Variants in MAPKAP1 observed in about 807,000 individuals in gnomAD.
The protein encoded by MAPKAP1 is target of rapamycin complex 2 subunit MAPKAP1.
In MAPKAP1, 20 loss-of-function variants were observed where a neutral mutation model predicts 65.7. The ratio of observed to expected loss-of-function variants is 0.30; its 90% CI spans 0.21 to 0.44. The LOEUF (loss-of-function observed/expected upper bound fraction) is 0.44. Ranked by LOEUF, MAPKAP1 falls within the 20% of genes least tolerant of loss-of-function variation. The pLI is 1.00. For synonymous variants in MAPKAP1, 222 were observed against 244.3 expected (o/e 0.91, Z 0.85); for missense variants, 423 against 648.0 (o/e 0.65, Z 3.77).
At chr9:125,639,460 C>T (rs1362348007) in intron 4 of MAPKAP1, among the ~76,000 whole-genome samples, 1 of 152,198 alleles carries the variant, frequency 6.6e-6, no homozygotes, top group Non-Finnish European at 1.5e-5. Flanking sequence ...CAGAATTGTG[C>T]CTGGCACATA....
chr9:125,600,779 A>G (rs561288794), intron 4 of MAPKAP1, among the ~76,000 whole-genome samples: 1 of 152,320 alleles, frequency 6.6e-6, no homozygotes, highest in African/African-American at 2.4e-5. Flanking sequence ...GCCATCTTCA[A>G]GCATGTAAAA....
chr9:125,690,338 T>C (rs1402623046), intron 1 of MAPKAP1, among the ~76,000 whole-genome samples: 1 of 152,212 alleles, frequency 6.6e-6, no homozygotes, highest in Non-Finnish European at 1.5e-5. Context: ...TGTGAGTTAT[T>C]GCAGAAGCAA....
intron 4 of MAPKAP1, among the ~76,000 whole-genome samples, chr9:125,637,936 C>T (rs1476317463): frequency 6.6e-6 from 1 of 152,156 alleles, no homozygotes; most frequent in Non-Finnish European, 1.5e-5. Flanking sequence ...CCACACCTGG[C>T]TAATTTTTGT....
intron 3 of MAPKAP1, among the ~76,000 whole-genome samples, chr9:125,659,901 G>T (rs74410958): frequency 0.05 from 7,615 of 152,096 alleles, 509 homozygotes; most frequent in East Asian, 0.19. Flanking sequence ...CTTTTATCGA[G>T]GTCACCAATG....
intron 7 of MAPKAP1, among the ~76,000 whole-genome samples, chr9:125,518,992 T>C (rs763226087): frequency 6.6e-6 from 1 of 152,162 alleles, no homozygotes; most frequent in Admixed American, 6.5e-5. Context: ...TGACAGTAGA[T>C]CATTATAAGT....
chr9:125,548,516 C>T (rs1830494619), intron 6 of MAPKAP1, among the ~76,000 whole-genome samples: 1 of 152,188 alleles, frequency 6.6e-6, no homozygotes, highest in African/African-American at 2.4e-5. Flanking sequence ...TGGAACCCCA[C>T]CTCTGCTTTC....
intron 4 of MAPKAP1, among the ~76,000 whole-genome samples, chr9:125,587,804 T>C (rs2131583641): frequency 6.6e-6 from 1 of 152,268 alleles, no homozygotes; most frequent in Middle Eastern, 3.4e-3. Flanking sequence ...AATAAACACA[T>C]GAAAACTGTT....
intron 8 of MAPKAP1, among the ~76,000 whole-genome samples, chr9:125,491,129 G>C (rs1299783191): frequency 3.1e-5 from 4 of 128,980 alleles, no homozygotes; most frequent in African/African-American, 1.2e-4. Flanking sequence ...GACAGAGCAA[G>C]ACTCCGTCTC....
At chr9:125,506,172 G>A (rs1829133206) in intron 8 of MAPKAP1, 138 bp downstream of exon 8, 6 of 730,318 alleles carry the variant, frequency 8.2e-6, no homozygotes, top group East Asian at 2.7e-5. Context: ...ACTTTGGCAC[G>A]AAGACTGCAG....
chr9:125,594,627 C>T (rs886428903), intron 4 of MAPKAP1, among the ~76,000 whole-genome samples: 1 of 152,178 alleles, frequency 6.6e-6, no homozygotes, highest in Non-Finnish European at 1.5e-5. Context: ...ATTCCCTCTT[C>T]TCTCCTCCCC....
intron 1 of MAPKAP1, chr9:125,696,129 C>T (rs1331010854): frequency 6.6e-6 from 1 of 152,096 alleles, no homozygotes; most frequent in African/African-American, 2.4e-5. Context: ...AAACTGAAAT[C>T]CAAACAAACG....
chr9:125,646,444 A>G (rs1042020215), intron 4 of MAPKAP1, among the ~76,000 whole-genome samples: 1 of 152,212 alleles, frequency 6.6e-6, no homozygotes, highest in East Asian at 1.9e-4. Context: ...TTCTCTGTAC[A>G]ACAGTAAGGA....
At chr9:125,636,362 G>C (rs1397679036) in intron 4 of MAPKAP1, among the ~76,000 whole-genome samples, 1 of 152,128 alleles carries the variant, frequency 6.6e-6, no homozygotes, top group African/African-American at 2.4e-5. Flanking sequence ...AAAAACACTA[G>C]GAAGTACTGG....
At chr9:125,669,991 A>G (rs1834449767) in intron 2 of MAPKAP1, 84 bp from the exon 3 acceptor site, 2 of 808,052 alleles carry the variant, frequency 2.5e-6, no homozygotes, top group South Asian at 1.8e-5. Flanking sequence ...TTACATGAAT[A>G]AAGATGTTTT....
chr9:125,440,904 G>A (rs1159602874), intron 11 of MAPKAP1, among the ~76,000 whole-genome samples: 1 of 152,108 alleles, frequency 6.6e-6, no homozygotes, highest in Non-Finnish European at 1.5e-5. Flanking sequence ...GTGTATTTTT[G>A]GCACATATAA....
At chr9:125,464,824 C>A (rs1033031625) in intron 10 of MAPKAP1, among the ~76,000 whole-genome samples, 1 of 152,228 alleles carries the variant, frequency 6.6e-6, no homozygotes, top group African/African-American at 2.4e-5. Flanking sequence ...TATTCACACA[C>A]TTTTTGGATA....
At chr9:125,679,478 T>C (rs1834757453) in intron 1 of MAPKAP1, among the ~76,000 whole-genome samples, 1 of 152,186 alleles carries the variant, frequency 6.6e-6, no homozygotes, top group Non-Finnish European at 1.5e-5. Context: ...AATCAGTGCA[T>C]GTAATGGTTG....
At chr9:125,482,595 C>T (rs1274607683) in intron 9 of MAPKAP1, among the ~76,000 whole-genome samples, 1 of 152,148 alleles carries the variant, frequency 6.6e-6, no homozygotes, top group Non-Finnish European at 1.5e-5. Flanking sequence ...TAAGTCCTCA[C>T]TTATTGTCAT....
At chr9:125,446,969 G>A (rs1852740554) in intron 10 of MAPKAP1, among the ~76,000 whole-genome samples, 1 of 152,156 alleles carries the variant, frequency 6.6e-6, no homozygotes, top group Admixed American at 6.5e-5. Context: ...GAAAGGAAGC[G>A]TTGACACTGT....
Sources: allele counts gnomAD v4.1 joint callset (sites outside exome capture counted in the v4.1 genomes callset), GRCh38; gene constraint gnomAD v4.1.1; transcripts MANE v1.5; gene names NCBI Gene and HGNC (gene_info 2026-07-23, HGNC 2026-07-21).